The following ADGRL3 variants were observed in gnomAD, a reference collection of about 807,000 sequenced individuals.
ADGRL3 encodes the protein calcium-independent alpha-latrotoxin receptor 3.
In ADGRL3, 62 loss-of-function variants were observed where a neutral mutation model predicts 153.5. That is an observed-to-expected ratio of 0.40 (90% CI 0.33 to 0.50). The LOEUF is 0.50. Ranked by LOEUF, ADGRL3 falls within the 20% of genes least tolerant of loss-of-function variation. ADGRL3 has a pLI of 0.47. For missense variants in ADGRL3, 1,641 were observed against 1,859.4 expected (o/e 0.88, Z 2.16); for synonymous variants, 710 against 672.5 (o/e 1.06, Z -0.86).
rs1021701930 is a variant in ADGRL3 at position 61,600,389 on chromosome 4, C to T, written c.473+12949C>T. On this transcript the variant is annotated intron_variant, in intron 5 of 26. Transcript: ENST00000683033. The stretch of plus-strand genomic sequence containing the variant: ...GATTTTTTTTAAGAAAAAGTTGTCT[C>T]CTGGAGCTCCAAAATTATGTTAGGT... Among the ~76,000 whole-genome samples the T allele has an allele frequency of 2.3e-4, 34 of 149,620 alleles. No individual in the cohort carries two copies. In the East Asian group the frequency reaches 4.7e-3, roughly 21 times the overall value.
chr4:61,836,151 G>T (rs1464853955), intron 9 of ADGRL3, among the ~76,000 whole-genome samples: 1 of 152,118 alleles, frequency 6.6e-6, no homozygotes, highest in African/African-American at 2.4e-5. Context: ...ACAAATTTTT[G>T]AGAATTCACA....
chr4:62,019,423 A>G (rs1204399801), intron 21 of ADGRL3, among the ~76,000 whole-genome samples: 3 of 152,030 alleles, frequency 2.0e-5, no homozygotes, highest in Non-Finnish European at 4.4e-5. Context: ...TTCTTAGCAC[A>G]TTTCTGAAGC....
At chr4:61,517,875 C>G (rs2098507232) in intron 4 of ADGRL3, among the ~76,000 whole-genome samples, 1 of 152,038 alleles carries the variant, frequency 6.6e-6, no homozygotes, top group Non-Finnish European at 1.5e-5. Flanking sequence ...TGATCATCTG[C>G]TTGTTTGAAA....
intron 1 of ADGRL3, among the ~76,000 whole-genome samples, chr4:61,378,147 C>T (rs2096626569): frequency 6.6e-6 from 1 of 151,910 alleles, no homozygotes; most frequent in Non-Finnish European, 1.5e-5. Flanking sequence ...CAGGAAAATT[C>T]CCAAGCAAAA....
intron 9 of ADGRL3, among the ~76,000 whole-genome samples, chr4:61,877,604 G>C (rs1276245255): frequency 6.6e-6 from 1 of 152,118 alleles, no homozygotes; most frequent in Non-Finnish European, 1.5e-5. Flanking sequence ...ACAGGCACTG[G>C]CTGGCTTAAA....
chr4:61,851,705 C>G (rs1339351510), intron 9 of ADGRL3, among the ~76,000 whole-genome samples: 2 of 151,680 alleles, frequency 1.3e-5, no homozygotes, highest in Non-Finnish European at 2.9e-5. Flanking sequence ...TAAGAATATC[C>G]CTCTAAAATG....
intron 1 of ADGRL3, among the ~76,000 whole-genome samples, chr4:61,362,361 T>C (rs1350639433): frequency 2.0e-5 from 3 of 151,416 alleles, no homozygotes; most frequent in Non-Finnish European, 4.4e-5. Flanking sequence ...CACACACATA[T>C]ATACACTTGA....
At chr4:61,875,845 G>A (rs190964032) in intron 9 of ADGRL3, among the ~76,000 whole-genome samples, 4 of 152,296 alleles carry the variant, frequency 2.6e-5, no homozygotes, top group African/African-American at 9.6e-5. Flanking sequence ...CAGATTGAAA[G>A]TGTACTTTGC....
intron 1 of ADGRL3, among the ~76,000 whole-genome samples, chr4:61,358,201 A>G (rs2096213282): frequency 6.6e-6 from 1 of 152,178 alleles, no homozygotes; most frequent in Non-Finnish European, 1.5e-5. Flanking sequence ...CTGGCCACCT[A>G]TAATCTGTTC....
At chr4:61,458,345 TG>T (rs1182372421) in intron 2 of ADGRL3, among the ~76,000 whole-genome samples, 3 of 151,494 alleles carry the variant, frequency 2.0e-5, no homozygotes, top group African/African-American at 7.2e-5. Flanking sequence ...CTTTGATGCT[TG>T]TTTTTTAGAG....
intron 5 of ADGRL3, among the ~76,000 whole-genome samples, chr4:61,649,409 C>T (rs913681665): frequency 1.3e-5 from 2 of 152,006 alleles, no homozygotes; most frequent in Admixed American, 6.6e-5. Context: ...ATTCTCAGAA[C>T]CTGTTCGCCT....
intron 9 of ADGRL3, among the ~76,000 whole-genome samples, chr4:61,839,843 G>A (rs937407099): frequency 2.3e-4 from 35 of 151,570 alleles, no homozygotes; most frequent in Non-Finnish European, 3.4e-4. Context: ...CCAGCCACTC[G>A]TGGGGCTGAG....
intron 3 of ADGRL3, among the ~76,000 whole-genome samples, chr4:61,507,362 GCTGTTGGCAGGCTTTATGTTGT>G (rs1420094544): frequency 1.3e-5 from 2 of 152,120 alleles, no homozygotes; most frequent in African/African-American, 4.8e-5. Flanking sequence ...GAGGTTACAG[GCTGTTGGCAGGCTTTATGTTGT>G]CCCTCTGCAG....
chr4:61,529,414 A>G (rs566785741), intron 4 of ADGRL3, among the ~76,000 whole-genome samples: 8 of 152,324 alleles, frequency 5.3e-5, no homozygotes, highest in South Asian at 4.1e-4. Flanking sequence ...TAGTTTGCTT[A>G]GAGAGACTCA....
chr4:61,672,191 T>C (rs963168666), intron 5 of ADGRL3, among the ~76,000 whole-genome samples: 9 of 152,134 alleles, frequency 5.9e-5, no homozygotes, highest in African/African-American at 1.7e-4. Context: ...TTTTAGGTTT[T>C]ACCTGTAAAT....
At chr4:61,340,804 T>G (rs2095792637) in intron 1 of ADGRL3, among the ~76,000 whole-genome samples, 1 of 151,362 alleles carries the variant, frequency 6.6e-6, no homozygotes, top group Non-Finnish European at 1.5e-5. Flanking sequence ...GTTTGCTGTA[T>G]TATATATTTA....
chr4:61,903,954 A>T (rs994410401), intron 11 of ADGRL3, among the ~76,000 whole-genome samples: 1 of 151,342 alleles, frequency 6.6e-6, no homozygotes, highest in Non-Finnish European at 1.5e-5. Context: ...AATTTTGTAG[A>T]CATAGGGCTT....
At chr4:61,368,972 T>A (rs1348803821) in intron 1 of ADGRL3, among the ~76,000 whole-genome samples, 1 of 152,200 alleles carries the variant, frequency 6.6e-6, no homozygotes, top group African/African-American at 2.4e-5. Context: ...TTCCTAGGTA[T>A]TTTATTCTCT....
In ADGRL3 at chr4:61,644,645, C is replaced by G. The variant is rs377074306; in HGVS notation, c.474-32181C>G. 7.2e-5 allele frequency among the ~76,000 whole-genome samples: 11 copies of G among 152,162 alleles called. No individual in the cohort carries two copies. In the East Asian group the frequency reaches 1.2e-3, roughly 16 times the overall value. On this transcript the variant is annotated intron_variant, in intron 5 of 26. Transcript: ENST00000683033. ...TTGTAGTTTGATTGCACTGTGGTCT[C>G]AGAGATAGTTTGTTATAATTTCTGT... is the stretch of plus-strand genomic sequence containing the variant.
Sources: gnomAD v4.1 joint callset for allele counts (sites outside exome capture counted in the v4.1 genomes callset) on GRCh38, gnomAD v4.1.1 for gene constraint, MANE v1.5 for transcripts, NCBI Gene and HGNC (gene_info 2026-07-23, HGNC 2026-07-21) for gene names.